Variants in RFTN1 observed in about 807,000 individuals in gnomAD.
The protein encoded by RFTN1 is raftlin.
Under a neutral mutation model 46.5 loss-of-function variants are expected in RFTN1, and 26 were observed. The ratio of observed to expected loss-of-function variants is 0.56; its 90% CI spans 0.41 to 0.78. RFTN1 has a LOEUF of 0.78. RFTN1 is among the 30% of genes least tolerant of loss of function. The pLI, the probability that RFTN1 is intolerant of heterozygous loss-of-function variation, is 0.00. For missense variants in RFTN1, 693 were observed against 718.7 expected (o/e 0.96, Z 0.41); for synonymous variants, 261 against 284.2 (o/e 0.92, Z 0.82).
At chr3:16,378,231 G>T in intron 4 of RFTN1, 129 bp from the exon 5 acceptor site, 1 of 733,116 alleles carries the variant, frequency 1.4e-6, no homozygotes, top group Non-Finnish European at 2.3e-6. Context: ...ATTCCAAGCT[G>T]ACAGGAACTC....
rs371317964 is a variant in RFTN1, at chr3:16,400,721, G to A, written c.441+8654C>T. Among the ~76,000 whole-genome samples, 1 of 152,120 alleles carries A rather than the reference G, an allele frequency of 6.6e-6. No homozygotes were observed. ...CCCTCCGGCTTAAATTAACTTCAGCGAACCTCTCTGGACAGAACAGGAAGA... is the reference window on the plus strand; with the variant it reads ...CCCTCCGGCTTAAATTAACTTCAGCAAACCTCTCTGGACAGAACAGGAAGA... On this transcript the variant is annotated intron_variant, in intron 4 of 9. Transcript: ENST00000334133. The surrounding 1 kb of genome is among the most constrained non-coding windows in gnomAD (Gnocchi z 4.5).
rs1048946433 is a variant in RFTN1 at position 16,321,945 on chromosome 3, C to T, written c.1332+1431G>A. On this transcript the variant is annotated intron_variant, in intron 9 of 9. Transcript: ENST00000334133. This position sits in a 1 kb window ranked among gnomAD's most constrained non-coding sequence, Gnocchi z 4.8. The stretch of plus-strand genomic sequence containing the variant: ...CACCAACATCCAACCACATGTCTCT[C>T]CTTTGGAATCTGTGTGCCCCACCAC... Among the ~76,000 whole-genome samples, 1 of 152,224 alleles carries T rather than the reference C, an allele frequency of 6.6e-6. No homozygotes were observed. The highest frequency in any genetic ancestry group is 1.5e-5 in the Non-Finnish European group (1 of 68,038).
intron 3 of RFTN1, among the ~76,000 whole-genome samples, chr3:16,417,286 C>T (rs896814543): frequency 6.6e-6 from 1 of 152,052 alleles, no homozygotes; most frequent in Non-Finnish European, 1.5e-5. Context: ...AGGCATCAGC[C>T]ACCGCACCCG....
intron 2 of RFTN1, among the ~76,000 whole-genome samples, chr3:16,454,545 G>A (rs1304861050): frequency 2.0e-5 from 3 of 152,226 alleles, no homozygotes; most frequent in Non-Finnish European, 4.4e-5. Context: ...AGCCAAGGGT[G>A]AGCTCACTGG....
chr3:16,511,279 A>C (rs1445088348), intron 1 of RFTN1, among the ~76,000 whole-genome samples: 2 of 152,258 alleles, frequency 1.3e-5, no homozygotes, highest in Admixed American at 1.3e-4. Flanking sequence ...ATATGTATAT[A>C]AATTTTATCT....
chr3:16,317,030 A>T lies in RFTN1; in HGVS notation c.1535T>A (p.Val512Asp). 3 of 1,613,622 alleles carry T rather than the reference A, an allele frequency of 1.9e-6. No individual in the cohort carries two copies. Among genetic ancestry groups the T allele is most frequent in the Non-Finnish European group, 2.5e-6 (3 of 1,179,888 alleles). ...CAGCTGTTCTCCCTTGTCCTCTTGGACAGGGCCCTTCATCTCCTCGGAGAC... is the reference window on the plus strand; with the variant it reads ...CAGCTGTTCTCCCTTGTCCTCTTGGTCAGGGCCCTTCATCTCCTCGGAGAC... The part of the protein sequence containing the change: ...GGVSEEMKGP[V>D]QEDKGEQLSP... The change falls in exon 10 of 10, where the codon GTC (valine) becomes GAC (aspartate). Residue 512 changes from valine (V) to aspartate (D), a missense_variant. By Grantham distance (152) the Val-to-Asp change is radical (BLOSUM62 -3). Coordinates refer to ENST00000334133, the MANE Select transcript of RFTN1 (RefSeq NM_015150.2). The surrounding 1 kb of genome is among the most constrained non-coding windows in gnomAD (Gnocchi z 4.3).
At chr3:16,406,240 G>C (rs1305909026) in intron 4 of RFTN1, among the ~76,000 whole-genome samples, 2 of 152,200 alleles carry the variant, frequency 1.3e-5, no homozygotes, top group African/African-American at 2.4e-5. Context: ...CAACAGAAAA[G>C]AGGAGCAGGG....
rs2074933617 is a variant in RFTN1, at chr3:16,409,314, C to T, written c.441+61G>A. ...TGATCTGTCCTAAGGCAGCTACCTG[C>T]CTGTTCACTCAGGGGAACACTCGCA... On this transcript the variant is annotated intron_variant, in intron 4 of 9. Coordinates refer to ENST00000334133, the MANE Select transcript of RFTN1 (RefSeq NM_015150.2). 5 of 1,131,818 alleles carry T rather than the reference C, an allele frequency of 4.4e-6. No homozygotes were observed. In the South Asian group the frequency reaches 6.2e-5, roughly 14 times the overall value. The allele number at this position is 1,131,818 out of a possible 1,614,324, so 70.1% of individuals were successfully genotyped here.
chr3:16,460,416 A>G lies in RFTN1; in HGVS notation c.146-26379T>C, dbSNP rs2075987636. ...AGGAAAGACTTGAGGAGGTTCAGGT[A>G]GACATTTCATTTGAATTTCCGGAGC... is the stretch of plus-strand genomic sequence containing the variant. On this transcript the variant is annotated intron_variant, in intron 2 of 9. Transcript: ENST00000334133. The surrounding 1 kb of genome is among the most constrained non-coding windows in gnomAD (Gnocchi z 4.8). Among the ~76,000 whole-genome samples, 1 of 152,210 alleles carries G rather than the reference A, an allele frequency of 6.6e-6. No individual in the cohort carries two copies. The highest frequency in any genetic ancestry group is 1.5e-5 in the Non-Finnish European group (1 of 68,042).
rs138830513 is a variant in RFTN1 at position 16,364,894 on chromosome 3, G to A, written c.1030+5182C>T. Among the ~76,000 whole-genome samples the A allele has an allele frequency of 2.8e-3, 434 of 152,322 alleles. 2 individuals carry two copies. Among genetic ancestry groups the A allele is most frequent in the Admixed American group, 7.3e-3 (112 of 15,300 alleles). On this transcript the variant is annotated intron_variant, in intron 6 of 9. Coordinates refer to ENST00000334133, the MANE Select transcript of RFTN1 (RefSeq NM_015150.2). ...GGGGGATAGAAACAGCGTGGGGCAC[G>A]CAGGGGCTTCTAGGGGCTTGTTAAG...
In RFTN1 at chr3:16,334,107, G is replaced by A. The variant is rs940651489; in HGVS notation, c.1147-7231C>T. On this transcript the variant is annotated intron_variant, in intron 7 of 9. Coordinates refer to ENST00000334133, the MANE Select transcript of RFTN1 (RefSeq NM_015150.2). This position sits in a 1 kb window ranked among gnomAD's most constrained non-coding sequence, Gnocchi z 4.3. Reference sequence around the variant, plus strand: ...TTGAACCTAGGAGGCAGAAGCTGCAGTGAGCCGAGATCGTGCCACTGCACT... The same window carrying A: ...TTGAACCTAGGAGGCAGAAGCTGCAATGAGCCGAGATCGTGCCACTGCACT... Among the ~76,000 whole-genome samples, 1 of 152,220 alleles carries A rather than the reference G, an allele frequency of 6.6e-6. No individual in the cohort carries two copies. The highest frequency in any genetic ancestry group is 2.4e-5 in the African/African-American group (1 of 41,456).
intron 2 of RFTN1, 77 bp from the exon 3 acceptor site, chr3:16,434,114 TGCCCTCGG>T: frequency 7.8e-7 from 1 of 1,283,712 alleles, no homozygotes; most frequent in Non-Finnish European, 1.0e-6. Flanking sequence ...CCTCTTCCCT[TGCCCTCGG>T]GGAGGATCCT....
At chr3:16,373,049 C>T (rs35696353) in intron 5 of RFTN1, among the ~76,000 whole-genome samples, 1,977 of 152,294 alleles carry the variant, frequency 0.013, 26 homozygotes, top group Non-Finnish European at 0.02. Flanking sequence ...TATTCTGATT[C>T]TCCAACACAC....
rs2076920590 is a variant in RFTN1 at position 16,512,616 on chromosome 3, A to G, written c.-9+826T>C. The stretch of plus-strand genomic sequence containing the variant: ...GCGGTTCTTGCTGCCAAAGGCAGCG[A>G]CACCGGAGGTGAAGGGCACCAGCCC... On this transcript the variant is annotated intron_variant, in intron 1 of 9. Coordinates refer to ENST00000334133, the MANE Select transcript of RFTN1 (RefSeq NM_015150.2). The surrounding 1 kb of genome is among the most constrained non-coding windows in gnomAD (Gnocchi z 4.3). 6.6e-6 allele frequency among the ~76,000 whole-genome samples: 1 copy of G among 152,034 alleles called. No homozygotes were observed. Among genetic ancestry groups the G allele is most frequent in the Admixed American group, 6.5e-5 (1 of 15,276 alleles).
rs1261406385 is a variant in RFTN1, at chr3:16,428,177, A to G, written c.332+5674T>C. Among the ~76,000 whole-genome samples the G allele has an allele frequency of 3.9e-5, 6 of 152,214 alleles. No individual in the cohort carries two copies. The highest frequency in any genetic ancestry group is 3.9e-4 in the Admixed American group (6 of 15,286). On this transcript the variant is annotated intron_variant, in intron 3 of 9. Transcript: ENST00000334133. The surrounding 1 kb of genome is among the most constrained non-coding windows in gnomAD (Gnocchi z 4.7). ...CACTTAAAACAGTGCCAGTTATTCTATTCAATAGGCAGATGTGCCCCAGAA... is the reference window on the plus strand; with the variant it reads ...CACTTAAAACAGTGCCAGTTATTCTGTTCAATAGGCAGATGTGCCCCAGAA...
chr3:16,358,506 A>G (rs2072614712), intron 6 of RFTN1, among the ~76,000 whole-genome samples: 1 of 150,800 alleles, frequency 6.6e-6, no homozygotes, highest in African/African-American at 2.4e-5. Context: ...AGATGCGTTG[A>G]TTTTTGGAAG....
At chr3:16,508,839 A>C (rs974275006) in intron 1 of RFTN1, among the ~76,000 whole-genome samples, 3 of 152,188 alleles carry the variant, frequency 2.0e-5, no homozygotes, top group Non-Finnish European at 4.4e-5. Context: ...AGGGTAAAAA[A>C]AAAACACCAC....
Position 16,384,136 on chromosome 3 carries a change from C to T in RFTN1, c.442-6034G>A, listed in dbSNP as rs112477600. ...GAAAAAGAATTCTGCCTCTGGACTGCAACACAGAAATTCTCCCTGGGTTTT... is the reference window on the plus strand; with the variant it reads ...GAAAAAGAATTCTGCCTCTGGACTGTAACACAGAAATTCTCCCTGGGTTTT... On this transcript the variant is annotated intron_variant, in intron 4 of 9. Coordinates refer to ENST00000334133, the MANE Select transcript of RFTN1 (RefSeq NM_015150.2). The surrounding 1 kb of genome is among the most constrained non-coding windows in gnomAD (Gnocchi z 4.7). 0.014 allele frequency among the ~76,000 whole-genome samples: 2,173 copies of T among 152,272 alleles called. 57 individuals are homozygous for T. The highest frequency in any genetic ancestry group is 0.049 in the African/African-American group (2,048 of 41,546).
chr3:16,378,167 G>T, intron 4 of RFTN1, 65 bp from the exon 5 acceptor site: 2 of 1,397,408 alleles, frequency 1.4e-6, no homozygotes, highest in Non-Finnish European at 2.0e-6. Context: ...GACACGTGCA[G>T]CGTGCAAAGC....
Sources: allele counts gnomAD v4.1 joint callset (sites outside exome capture counted in the v4.1 genomes callset), GRCh38; gene constraint gnomAD v4.1.1; non-coding constraint Gnocchi (gnomAD v3.1); transcripts MANE v1.5; gene names NCBI Gene and HGNC (gene_info 2026-07-23, HGNC 2026-07-21).